Variants in TMEFF2 observed in about 807,000 individuals in gnomAD.
TMEFF2 encodes transmembrane protein with EGF like and two follistatin like domains 2, also known as tomoregulin-2.
TMEFF2 carries 28 observed loss-of-function variants against 53.8 expected under a neutral mutation model. That is an observed-to-expected ratio of 0.52 (90% CI 0.39 to 0.71). TMEFF2 has a LOEUF of 0.71. Ranked by LOEUF, TMEFF2 falls within the 30% of genes least tolerant of loss-of-function variation. The pLI is 0.00. For synonymous variants in TMEFF2, 162 were observed against 166.3 expected (o/e 0.97, Z 0.20); for missense variants, 353 against 455.2 (o/e 0.78, Z 2.04).
intron 4 of TMEFF2, among the ~76,000 whole-genome samples, chr2:192,075,949 A>AAAGGAAAGAAGGAAGCAAAG (rs552089300): frequency 1.9e-4 from 29 of 152,062 alleles, no homozygotes; most frequent in African/African-American, 6.0e-4. Flanking sequence ...AAGATGGAAG[A>AAAGGAAAGAAGGAAGCAAAG]AAGGAAAGAA....
intron 3 of TMEFF2, among the ~76,000 whole-genome samples, chr2:192,180,762 C>A (rs936077692): frequency 1.3e-5 from 2 of 151,680 alleles, no homozygotes; most frequent in African/African-American, 4.8e-5. Context: ...GTTTGAAAAT[C>A]CACAGAAGGC....
intron 9 of TMEFF2, among the ~76,000 whole-genome samples, chr2:191,952,093 A>C (rs896679267): frequency 2.0e-5 from 3 of 152,220 alleles, no homozygotes; most frequent in Non-Finnish European, 4.4e-5. Flanking sequence ...GCAATTTGCC[A>C]ACTTCTACCT....
chr2:191,989,959 A>C (rs2105825024), intron 7 of TMEFF2, among the ~76,000 whole-genome samples: 1 of 152,150 alleles, frequency 6.6e-6, no homozygotes, highest in African/African-American at 2.4e-5. Flanking sequence ...CCCTCTCACA[A>C]AGTGGCTGTA....
At chr2:191,956,538 G>A (rs1049675723) in intron 7 of TMEFF2, among the ~76,000 whole-genome samples, 160 bp from the exon 8 acceptor site, 10 of 152,296 alleles carry the variant, frequency 6.6e-5, no homozygotes, top group East Asian at 5.8e-4. Flanking sequence ...ACTGAAAGAC[G>A]TCTTTACAAT....
Position 191,949,136 on chromosome 2 carries a change from C to T in TMEFF2, c.*1175G>A, listed in dbSNP as rs995283211. On this transcript the variant is annotated 3_prime_UTR_variant, in exon 10 of 10. Transcript: ENST00000272771. The stretch of plus-strand genomic sequence containing the variant: ...TAAATGATAATAATTGATTTATTTT[C>T]ATCTTATTCCTTGAGAATTTTCACA... The T allele has an allele frequency of 8.1e-6, 8 of 984,834 alleles. No homozygotes were observed. The African/African-American group carries it at 1.2e-4, about 15-fold the overall frequency. 61.0% of individuals were successfully genotyped at this position (984,834 alleles called of 1,614,324 possible). A position where few individuals can be genotyped will look rare whatever the true frequency, so the allele number is the denominator to read the frequency against.
intron 4 of TMEFF2, among the ~76,000 whole-genome samples, chr2:192,133,199 T>C (rs1465689506): frequency 6.6e-6 from 1 of 152,130 alleles, no homozygotes; most frequent in African/African-American, 2.4e-5. Context: ...AACTAAATTA[T>C]CTGCTTCCCT....
intron 4 of TMEFF2, among the ~76,000 whole-genome samples, chr2:192,061,234 C>T (rs985187694): frequency 2.6e-5 from 4 of 152,088 alleles, no homozygotes; most frequent in African/African-American, 9.7e-5. Context: ...CATGGGTAAG[C>T]ATTGTAATTC....
intron 4 of TMEFF2, among the ~76,000 whole-genome samples, chr2:192,111,835 C>T (rs1193255021): frequency 6.6e-6 from 1 of 152,180 alleles, no homozygotes; most frequent in Non-Finnish European, 1.5e-5. Flanking sequence ...CAACTCTAGC[C>T]ATGGCTAAAA....
chr2:192,028,376 C>T (rs1468495643), intron 5 of TMEFF2, among the ~76,000 whole-genome samples: 1 of 152,138 alleles, frequency 6.6e-6, no homozygotes, highest in Non-Finnish European at 1.5e-5. Flanking sequence ...ATTGCCCCAA[C>T]AAGATGCCTC....
chr2:192,157,985 T>A (rs1690545827), intron 4 of TMEFF2, among the ~76,000 whole-genome samples: 1 of 152,052 alleles, frequency 6.6e-6, no homozygotes, highest in African/African-American at 2.4e-5. Context: ...TTCTTACCTG[T>A]TTTAGTCTAC....
intron 4 of TMEFF2, among the ~76,000 whole-genome samples, chr2:192,075,035 C>G (rs907950098): frequency 3.3e-5 from 5 of 151,268 alleles, no homozygotes; most frequent in Non-Finnish European, 5.9e-5. Flanking sequence ...ATCCCAAGAG[C>G]TCAAACAAAG....
At chr2:192,167,635 C>T (rs990593088) in intron 4 of TMEFF2, among the ~76,000 whole-genome samples, 1 of 152,096 alleles carries the variant, frequency 6.6e-6, no homozygotes, top group African/African-American at 2.4e-5. Flanking sequence ...ATCCTCTACA[C>T]TTACATTTTA....
intron 7 of TMEFF2, among the ~76,000 whole-genome samples, chr2:191,995,788 T>C (rs1465050448): frequency 1.3e-5 from 2 of 152,016 alleles, no homozygotes; most frequent in African/African-American, 4.8e-5. Context: ...TATGTTTAAC[T>C]AGGAATTACA....
intron 5 of TMEFF2, among the ~76,000 whole-genome samples, chr2:192,025,841 G>A (rs1425264868): frequency 1.3e-5 from 2 of 152,184 alleles, no homozygotes; most frequent in African/African-American, 2.4e-5. Flanking sequence ...TGAATGCAGG[G>A]CACAGATACA....
intron 7 of TMEFF2, among the ~76,000 whole-genome samples, chr2:191,995,503 G>A (rs1454521972): frequency 6.6e-6 from 1 of 152,008 alleles, no homozygotes. Context: ...GAGTCACACA[G>A]TTCCTGTTTT....
At chr2:192,079,386 G>A (rs1479071687) in intron 4 of TMEFF2, among the ~76,000 whole-genome samples, 5 of 151,976 alleles carry the variant, frequency 3.3e-5, no homozygotes, top group East Asian at 3.9e-4. Flanking sequence ...CTTCTTCCTC[G>A]TTTTATCTTC....
At chr2:192,179,766 T>A (rs899314255) in intron 3 of TMEFF2, 72 bp from the exon 4 acceptor site, 1 of 1,404,416 alleles carries the variant, frequency 7.1e-7, no homozygotes, top group Non-Finnish European at 9.5e-7. Context: ...AGCTCAAGTT[T>A]ATTTTCTTAG....
intron 7 of TMEFF2, among the ~76,000 whole-genome samples, chr2:191,960,152 C>T (rs574940215): frequency 2.6e-4 from 39 of 152,228 alleles, no homozygotes; most frequent in African/African-American, 8.7e-4. Flanking sequence ...GGATTACAGT[C>T]GTGAGTCACT....
At chr2:192,044,395 C>T (rs968801546) in intron 5 of TMEFF2, 1 of 152,154 alleles carries the variant, frequency 6.6e-6, no homozygotes, top group Non-Finnish European at 1.5e-5. Flanking sequence ...GATATTACTT[C>T]TAAGGTAAAG....
Sources: gnomAD v4.1 joint callset for allele counts (sites outside exome capture counted in the v4.1 genomes callset) on GRCh38, gnomAD v4.1.1 for gene constraint, MANE v1.5 for transcripts, NCBI Gene and HGNC (gene_info 2026-07-23, HGNC 2026-07-21) for gene names.